Variants in BZW2 observed in about 807,000 individuals in gnomAD.
BZW2 encodes eIF5-mimic protein 1.
Under a neutral mutation model 53.2 loss-of-function variants are expected in BZW2, and 23 were observed. The observed-to-expected ratio is 0.43, with a 90% CI of 0.31 to 0.61. The LOEUF is 0.61. Ranked by LOEUF, BZW2 falls within the 20% of genes least tolerant of loss-of-function variation. BZW2 has a pLI of 0.09. For missense variants in BZW2, 409 were observed against 503.1 expected (o/e 0.81, Z 1.79); for synonymous variants, 227 against 186.4 (o/e 1.22, Z -1.77).
rs911107126 is a variant in BZW2 at position 16,704,536 on chromosome 7, T to G, written c.1109-11T>G. 2 of 1,510,898 alleles carry G rather than the reference T, an allele frequency of 1.3e-6. No homozygotes were observed. The highest frequency in any genetic ancestry group is 3.5e-5 in the Admixed American group (2 of 56,542). The allele number at this position is 1,510,898 out of a possible 1,614,324, so 93.6% of individuals were successfully genotyped here. A position where few individuals can be genotyped will look rare whatever the true frequency, so the allele number is the denominator to read the frequency against. On this transcript the variant is annotated splice_polypyrimidine_tract_variant and intron_variant, in intron 10 of 11. Transcript: ENST00000258761. ...TATAGTAACTTTGAAATCTTTGATTTAAAATTGCAGCTGATGTTCTGAGCG... is the reference window on the plus strand; with the variant it reads ...TATAGTAACTTTGAAATCTTTGATTGAAAATTGCAGCTGATGTTCTGAGCG...
Position 16,649,795 on chromosome 7 carries a change from C to T in BZW2, c.-8+3507C>T, listed in dbSNP as rs989954457. Among the ~76,000 whole-genome samples, 4 of 152,120 alleles carry T rather than the reference C, an allele frequency of 2.6e-5. No homozygotes were observed. In the South Asian group the frequency reaches 8.3e-4, roughly 32 times the overall value. On this transcript the variant is annotated intron_variant, in intron 1 of 11. Coordinates refer to ENST00000258761, the MANE Select transcript of BZW2 (RefSeq NM_014038.3). ...ATTATTTCAGAACTGGATGAGAAGA[C>T]AGCTGAGATTTGCTTTAATATAATT... is the stretch of plus-strand genomic sequence containing the variant.
chr7:16,665,176 C>T (rs887375754), intron 1 of BZW2, among the ~76,000 whole-genome samples: 2 of 151,878 alleles, frequency 1.3e-5, no homozygotes, highest in East Asian at 1.9e-4. Context: ...CGTGGTGGCT[C>T]ACGCTTGTAG....
chr7:16,666,676 T>A lies in BZW2; in HGVS notation c.58+1175T>A, dbSNP rs552011482. 5.3e-5 allele frequency among the ~76,000 whole-genome samples: 8 copies of A among 152,192 alleles called. No homozygotes were observed. In the South Asian group the frequency reaches 1.7e-3, roughly 32 times the overall value. On this transcript the variant is annotated intron_variant, in intron 2 of 11. Coordinates refer to ENST00000258761, the MANE Select transcript of BZW2 (RefSeq NM_014038.3). ...TATTTATTATTAATTAATTAGTGGC[T>A]TATTTATTTTTGAAATAGGGTCTTG...
intron 2 of BZW2, among the ~76,000 whole-genome samples, chr7:16,667,143 G>T (rs535495914): frequency 6.6e-6 from 1 of 152,034 alleles, no homozygotes; most frequent in East Asian, 1.9e-4. Context: ...TTAGCCAGGC[G>T]TGGTGGCGCA....
At chr7:16,701,312 T>TA (rs1330776656) in intron 10 of BZW2, among the ~76,000 whole-genome samples, 1 of 152,204 alleles carries the variant, frequency 6.6e-6, no homozygotes, top group East Asian at 1.9e-4. Flanking sequence ...CAGCATGGTC[T>TA]AAAATGTGTA....
At position 16,706,190 on chromosome 7, in the gene BZW2, A is replaced by G. The variant is rs1783851255; in HGVS notation, c.*102A>G. ...AACTTGGCTTCTGTTTTCGCAAAGGAAAAAAAAAATAGGATAGGCTTCCCT... is the reference window on the plus strand; with the variant it reads ...AACTTGGCTTCTGTTTTCGCAAAGGGAAAAAAAAATAGGATAGGCTTCCCT... On this transcript the variant is annotated 3_prime_UTR_variant, in exon 12 of 12. Coordinates refer to ENST00000258761, the MANE Select transcript of BZW2 (RefSeq NM_014038.3). The G allele has an allele frequency of 4.9e-6, 5 of 1,026,882 alleles. No individual in the cohort carries two copies. Among genetic ancestry groups the G allele is most frequent in the African/African-American group, 3.4e-5 (2 of 59,690 alleles). 63.6% of individuals were successfully genotyped at this position (1,026,882 alleles called of 1,614,324 possible). A position where few individuals can be genotyped will look rare whatever the true frequency, so the allele number is the denominator to read the frequency against.
At chr7:16,651,258 A>T (rs1356450170) in intron 1 of BZW2, among the ~76,000 whole-genome samples, 13 of 152,248 alleles carry the variant, frequency 8.5e-5, no homozygotes, top group Admixed American at 6.5e-4. Context: ...TTTAAAAAAT[A>T]TAACAGGTGT....
Position 16,654,543 on chromosome 7 carries a change from A to G in BZW2, c.-8+8255A>G, listed in dbSNP as rs575279891. 1.2e-3 allele frequency among the ~76,000 whole-genome samples: 143 copies of G among 120,234 alleles called. 2 individuals carry two copies. Among genetic ancestry groups the G allele is most frequent in the Non-Finnish European group, 1.9e-3 (115 of 59,520 alleles). The allele number at this position is 120,234 out of a possible 152,430, so 78.9% of individuals were successfully genotyped here. On this transcript the variant is annotated intron_variant, in intron 1 of 11. Transcript: ENST00000258761. ...CCCCAAAAAAAAACGGATGATATTT[A>G]TTTATTTATGAGACGGAGTCTTGCT...
intron 4 of BZW2, among the ~76,000 whole-genome samples, chr7:16,681,877 T>C (rs1355912764): frequency 6.6e-6 from 1 of 152,068 alleles, no homozygotes; most frequent in Non-Finnish European, 1.5e-5. Flanking sequence ...TTTTTTAACC[T>C]CTCTTGTGGG....
At chr7:16,670,264 G>A (rs576424458) in intron 2 of BZW2, among the ~76,000 whole-genome samples, 1 of 152,266 alleles carries the variant, frequency 6.6e-6, no homozygotes, top group Non-Finnish European at 1.5e-5. Context: ...CTGTTTGCTG[G>A]TAATTCTTTT....
intron 1 of BZW2, among the ~76,000 whole-genome samples, chr7:16,650,231 AG>A (rs1781952051): frequency 6.6e-6 from 1 of 152,240 alleles, no homozygotes; most frequent in African/African-American, 2.4e-5. Flanking sequence ...CAGTGCTTGT[AG>A]AACAAATTGA....
intron 1 of BZW2, among the ~76,000 whole-genome samples, chr7:16,648,377 A>G (rs1368343339): frequency 1.3e-5 from 2 of 152,250 alleles, no homozygotes; most frequent in Non-Finnish European, 2.9e-5. Flanking sequence ...AAGAGGACAG[A>G]AAGTAAGGGA....
intron 7 of BZW2, among the ~76,000 whole-genome samples, chr7:16,693,013 A>G (rs1404696334): frequency 6.6e-6 from 1 of 152,214 alleles, no homozygotes; most frequent in Non-Finnish European, 1.5e-5. Context: ...AAAAGTGTAG[A>G]TAAGCTCAGA....
chr7:16,696,157 C>G (rs706042), intron 8 of BZW2: 4 of 152,042 alleles, frequency 2.6e-5, no homozygotes, highest in Non-Finnish European at 5.9e-5. Context: ...AAAGGTGTTA[C>G]TACTACTCAC....
intron 3 of BZW2, among the ~76,000 whole-genome samples, chr7:16,677,988 G>A (rs864212): frequency 0.23 from 34,454 of 151,664 alleles, 4,211 homozygotes; most frequent in East Asian, 0.38. Context: ...GTGACGTAAG[G>A]ACTGAAGCCA....
At chr7:16,689,685 C>G in intron 6 of BZW2, 112 bp from the exon 7 acceptor site, 1 of 777,960 alleles carries the variant, frequency 1.3e-6, no homozygotes, top group South Asian at 2.5e-5. Flanking sequence ...TCATTTGTAC[C>G]AAAATTAGTC....
chr7:16,675,353 G>T (rs191579873), intron 3 of BZW2, among the ~76,000 whole-genome samples: 5 of 152,158 alleles, frequency 3.3e-5, no homozygotes, highest in African/African-American at 1.2e-4. Flanking sequence ...AGACTTAAGC[G>T]GGGAGGGCAG....
At position 16,670,477 on chromosome 7, in the gene BZW2, G is replaced by A. The variant is rs559219878; in HGVS notation, c.59-3935G>A. ...AATCAACATCCAACCATGTGGTAGG[G>A]CCTTTGTGGGAATGACTTTATTTGA... On this transcript the variant is annotated intron_variant, in intron 2 of 11. Coordinates refer to ENST00000258761, the MANE Select transcript of BZW2 (RefSeq NM_014038.3). Among the ~76,000 whole-genome samples the A allele has an allele frequency of 2.6e-5, 4 of 152,302 alleles. No homozygotes were observed. The South Asian group carries it at 8.3e-4, about 32-fold the overall frequency.
rs373727005 is a variant in BZW2 at position 16,689,819 on chromosome 7, C to G, written c.564C>G (p.Val188=). Residue 188 remains valine (V), a synonymous_variant, in exon 7 of 12, where the codon GTC becomes GTG. Transcript: ENST00000258761. ...CAGGCATTGCGGCCTCATTTGCTGTCAAGCTTTTCAAAGCATGGATGGCAG... is the reference window on the plus strand; with the variant it reads ...CAGGCATTGCGGCCTCATTTGCTGTGAAGCTTTTCAAAGCATGGATGGCAG... ...VKEGIAASFA[V]KLFKAWMAEK... is the part of the protein sequence containing the mutation. The G allele has an allele frequency of 6.2e-7, 1 of 1,608,508 alleles. No individual in the cohort carries two copies. The highest frequency in any genetic ancestry group is 1.7e-4 in the Middle Eastern group (1 of 6,048).
Sources: gnomAD v4.1 joint callset for allele counts (sites outside exome capture counted in the v4.1 genomes callset) on GRCh38, gnomAD v4.1.1 for gene constraint, MANE v1.5 for transcripts, NCBI Gene and HGNC (gene_info 2026-07-23, HGNC 2026-07-21) for gene names.